The following CDYL variants were observed in gnomAD, a reference collection of about 807,000 sequenced individuals.
CDYL encodes the protein chromodomain Y like, also known as chromodomain Y-like protein.
A neutral mutation model predicts 47.3 loss-of-function variants in CDYL; 8 were observed. The observed-to-expected ratio is 0.17, with a 90% CI of 0.10 to 0.31. The LOEUF is 0.31. Among genes scored for constraint, CDYL ranks in the 10% least tolerant of loss-of-function variants. The pLI is 1.00. For missense variants in CDYL, 471 were observed against 701.4 expected (o/e 0.67, Z 3.71); for synonymous variants, 266 against 265.0 (o/e 1.00, Z -0.04).
Position 4,855,213 on chromosome 6 carries a change from CT to C in CDYL, c.25-36497del, listed in dbSNP as rs368784149. Among the ~76,000 whole-genome samples the C allele has an allele frequency of 2.8e-4, 43 of 152,282 alleles. 2 individuals carry two copies. Among genetic ancestry groups the C allele is most frequent in the African/African-American group, 1.0e-3 (42 of 41,546 alleles). On this transcript the variant is annotated intron_variant, in intron 1 of 6. Transcript: ENST00000397588. ...ACCAATGAAAGCCCAGTATTTAACC[CT>C]TTGAAGTAAAATGAAAGATAATTGA...
Position 4,823,508 on chromosome 6 carries a change from A to G in CDYL, c.24+46701A>G, listed in dbSNP as rs1456614078. On this transcript the variant is annotated intron_variant, in intron 1 of 6. Coordinates refer to ENST00000397588, the MANE Select transcript of CDYL (RefSeq NM_004824.4). ...TAACCTAACATTTGCCATTATAACA[A>G]TTTTAAGTATATAATTCCCTGACGT... Among the ~76,000 whole-genome samples, 3 of 152,214 alleles carry G rather than the reference A, an allele frequency of 2.0e-5. 1 individual carries two copies. The highest frequency in any genetic ancestry group is 1.3e-4 in the Admixed American group (2 of 15,280).
At position 4,723,078 on chromosome 6, in the gene CDYL, C is replaced by T. The variant is rs78807369; in HGVS notation, c.103+7197C>T. Among the ~76,000 whole-genome samples, 340 of 152,202 alleles carry T rather than the reference C, an allele frequency of 2.2e-3. 2 individuals carry two copies. The highest frequency in any genetic ancestry group is 4.0e-3 in the Non-Finnish European group (273 of 68,012). On this transcript the variant is annotated intron_variant, in intron 2 of 8. Coordinates refer to the CDYL transcript ENST00000328908. ...CCTTCATACCCACAGGTTCCATATCCATGGATACAACCAACCATGGATCTA... is the reference window on the plus strand; with the variant it reads ...CCTTCATACCCACAGGTTCCATATCTATGGATACAACCAACCATGGATCTA...
chr6:4,941,859 C>G (rs1561721840), intron 4 of CDYL, among the ~76,000 whole-genome samples: 1 of 152,302 alleles, frequency 6.6e-6, no homozygotes, highest in East Asian at 1.9e-4. Flanking sequence ...AACAGTTTGC[C>G]TTCTGTTCCA....
rs1561670324 is a variant in CDYL, at chr6:4,852,535, T to TCTTCCTTCCTTCCTTCCTTCCAATCTTC, written c.25-39157_25-39156insAATCTTCCTTCCTTCCTTCCTTCCTTCC. 2.3e-4 allele frequency among the ~76,000 whole-genome samples: 18 copies of TCTTCCTTCCTTCCTTCCTTCCAATCTTC among 76,598 alleles called. 5 individuals carry two copies. The highest frequency in any genetic ancestry group is 1.2e-3 in the African/African-American group (16 of 13,342). The allele number at this position is 76,598 out of a possible 152,430, so 50.3% of individuals were successfully genotyped here. A position where few individuals can be genotyped will look rare whatever the true frequency, so the allele number is the denominator to read the frequency against. On this transcript the variant is annotated intron_variant, in intron 1 of 6. Coordinates refer to ENST00000397588, the MANE Select transcript of CDYL (RefSeq NM_004824.4). ...TCCAATCTTCCTTCCTTCCTTCCAA[T>TCTTCCTTCCTTCCTTCCTTCCAATCTTC]CTTCCTTCCTTCCTTCCTTCCTTCC...
chr6:4,804,204 T>C (rs901860670), intron 1 of CDYL, among the ~76,000 whole-genome samples: 8 of 152,114 alleles, frequency 5.3e-5, no homozygotes, highest in African/African-American at 1.9e-4. Context: ...TCCCCCTGTT[T>C]TACAGGAGGA....
At chr6:4,734,634 T>A in intron 2 of CDYL, 1 of 1,286,686 alleles carries the variant, frequency 7.8e-7, no homozygotes, top group Non-Finnish European at 1.1e-6. Context: ...TATGTTCAGT[T>A]AGACTCCTAA....
intron 4 of CDYL, among the ~76,000 whole-genome samples, chr6:4,938,242 T>G (rs530545367): frequency 2.8e-4 from 43 of 151,996 alleles, no homozygotes; most frequent in South Asian, 1.2e-3. Context: ...TGTTTTTTTT[T>G]TTTGTTTCTT....
chr6:4,902,211 C>A (rs1262082738), intron 2 of CDYL, among the ~76,000 whole-genome samples: 1 of 151,460 alleles, frequency 6.6e-6, no homozygotes, highest in African/African-American at 2.4e-5. Context: ...CCGGCCTAAC[C>A]AACATGGAAA....
chr6:4,862,352 T>C (rs1327297411), intron 1 of CDYL, among the ~76,000 whole-genome samples: 2 of 152,242 alleles, frequency 1.3e-5, no homozygotes. Context: ...TGACCATGGC[T>C]TAAGCCTATA....
At chr6:4,794,792 TTGG>T (rs1243788696) in intron 1 of CDYL, among the ~76,000 whole-genome samples, 1 of 152,174 alleles carries the variant, frequency 6.6e-6, no homozygotes, top group Non-Finnish European at 1.5e-5. Context: ...GTTGTTGTTG[TTGG>T]TCTCGTTGAT....
chr6:4,776,480 C>CGCCCGCCCCA lies in CDYL; in HGVS notation c.-295_-286dup, dbSNP rs1369681899. ...CGGCCGCGCCGCCCGCACGCCGCCGCGCCCGCCCCAGCCCGCCCGGCCCCG... is the reference window on the plus strand; with the variant it reads ...CGGCCGCGCCGCCCGCACGCCGCCGCGCCCGCCCCAGCCCGCCCCAGCCCGCCCGGCCCCG... On this transcript the variant is annotated 5_prime_UTR_variant, in exon 1 of 7. Coordinates refer to ENST00000397588, the MANE Select transcript of CDYL (RefSeq NM_004824.4). 3.5e-5 allele frequency: 5 copies of CGCCCGCCCCA among 142,074 alleles called. No individual in the cohort carries two copies. Among genetic ancestry groups the CGCCCGCCCCA allele is most frequent in the Non-Finnish European group, 6.3e-5 (4 of 63,902 alleles). The allele number at this position is 142,074 out of a possible 1,614,324, so 8.8% of individuals were successfully genotyped here. A position where few individuals can be genotyped will look rare whatever the true frequency, so the allele number is the denominator to read the frequency against.
At chr6:4,798,080 C>A (rs374874667) in intron 1 of CDYL, among the ~76,000 whole-genome samples, 1 of 152,000 alleles carries the variant, frequency 6.6e-6, no homozygotes, top group South Asian at 2.1e-4. Flanking sequence ...TCAGATGATC[C>A]TCTCACCTCA....
intron 1 of CDYL, among the ~76,000 whole-genome samples, chr6:4,711,773 G>A (rs1757156808): frequency 6.6e-6 from 1 of 152,110 alleles, no homozygotes; most frequent in Non-Finnish European, 1.5e-5. Flanking sequence ...GAGTATAAAA[G>A]AAAAAAGCAG....
At chr6:4,878,266 A>G (rs952076604) in intron 1 of CDYL, among the ~76,000 whole-genome samples, 2 of 152,148 alleles carry the variant, frequency 1.3e-5, no homozygotes, top group Non-Finnish European at 2.9e-5. Flanking sequence ...AAAGTAGGAA[A>G]TAGTCTCTCA....
chr6:4,710,917 CCACACACACACA>C (rs67002698), intron 1 of CDYL, among the ~76,000 whole-genome samples: 1 of 149,502 alleles, frequency 6.7e-6, no homozygotes, highest in South Asian at 2.1e-4. Flanking sequence ...GGTGTTCTCA[CCACACACACACA>C]CACACACACA....
chr6:4,911,825 A>G (rs999306708), intron 2 of CDYL, among the ~76,000 whole-genome samples: 4 of 152,230 alleles, frequency 2.6e-5, no homozygotes, highest in Admixed American at 2.0e-4. Context: ...GAATCCATTC[A>G]TGTCAAGTAT....
At chr6:4,890,096 T>G in intron 1 of CDYL, 1 of 985,438 alleles carries the variant, frequency 1.0e-6, no homozygotes, top group Non-Finnish European at 1.2e-6. Flanking sequence ...TTTAGTATAC[T>G]GCCCGCTTCT....
chr6:4,911,974 C>T (rs937392610), intron 2 of CDYL, among the ~76,000 whole-genome samples: 15 of 152,214 alleles, frequency 9.9e-5, no homozygotes, highest in African/African-American at 3.1e-4. Flanking sequence ...TGCAGGGCAG[C>T]CATACTAACC....
chr6:4,941,682 AT>A (rs1347390208), intron 4 of CDYL, among the ~76,000 whole-genome samples: 3 of 152,336 alleles, frequency 2.0e-5, no homozygotes, highest in Non-Finnish European at 4.4e-5. Flanking sequence ...TTAGAAGCAG[AT>A]TTTTTTATAC....
Sources: allele counts gnomAD v4.1 joint callset (sites outside exome capture counted in the v4.1 genomes callset), GRCh38; gene constraint gnomAD v4.1.1; transcripts MANE v1.5; gene names NCBI Gene and HGNC (gene_info 2026-07-23, HGNC 2026-07-21).